Variants in ARHGAP26 observed in about 807,000 individuals in gnomAD.
ARHGAP26 encodes the protein rho GTPase-activating protein 26.
In ARHGAP26, 38 loss-of-function variants were observed where a neutral mutation model predicts 104.8. The observed-to-expected ratio is 0.36, with a 90% CI of 0.28 to 0.48. The LOEUF is 0.48. ARHGAP26 is among the 20% of genes least tolerant of loss of function. The pLI is 0.99. For synonymous variants in ARHGAP26, 341 were observed against 340.0 expected (o/e 1.00, Z -0.03); for missense variants, 704 against 947.9 (o/e 0.74, Z 3.38).
intron 17 of ARHGAP26, among the ~76,000 whole-genome samples, chr5:143,078,728 T>C (rs1182603211): frequency 3.9e-5 from 6 of 152,226 alleles, no homozygotes; most frequent in African/African-American, 1.2e-4. Flanking sequence ...TTCAGACATA[T>C]TCATTGAAAG....
chr5:142,826,634 G>A (rs188426424), intron 1 of ARHGAP26, among the ~76,000 whole-genome samples: 80 of 152,270 alleles, frequency 5.3e-4, no homozygotes, highest in Non-Finnish European at 1.0e-3. Context: ...TCTCTCACAG[G>A]ATTTTAGTGG....
intron 11 of ARHGAP26, among the ~76,000 whole-genome samples, chr5:142,996,678 C>G (rs1776447784): frequency 6.6e-6 from 1 of 151,766 alleles, no homozygotes; most frequent in Admixed American, 6.6e-5. Context: ...AGGATAGGTG[C>G]TAGATTTGAG....
chr5:143,064,950 G>A (rs1364317147), intron 17 of ARHGAP26, among the ~76,000 whole-genome samples: 2 of 152,068 alleles, frequency 1.3e-5, no homozygotes, highest in Non-Finnish European at 2.9e-5. Flanking sequence ...CCTTTGATTT[G>A]GGTCTCTTGT....
chr5:142,867,288 GGTGTGTGTGTGT>G (rs70991782), intron 1 of ARHGAP26, among the ~76,000 whole-genome samples: 51 of 143,698 alleles, frequency 3.5e-4, no homozygotes, highest in Middle Eastern at 7.1e-3. Context: ...ATTTGCACAG[GGTGTGTGTGTGT>G]GTGTGTGTGT....
At chr5:143,178,628 C>T (rs1334521660) in intron 20 of ARHGAP26, among the ~76,000 whole-genome samples, 3 of 152,330 alleles carry the variant, frequency 2.0e-5, no homozygotes, top group East Asian at 3.9e-4. Context: ...TCATTTCTGT[C>T]GTTGTACTTA....
At chr5:143,144,775 C>T (rs1019326733) in intron 19 of ARHGAP26, among the ~76,000 whole-genome samples, 1 of 152,206 alleles carries the variant, frequency 6.6e-6, no homozygotes, top group Non-Finnish European at 1.5e-5. Flanking sequence ...TTTGCTATAA[C>T]CACTAAAACA....
chr5:142,968,123 C>T (rs910247040), intron 11 of ARHGAP26, among the ~76,000 whole-genome samples: 2 of 152,132 alleles, frequency 1.3e-5, no homozygotes, highest in Admixed American at 1.3e-4. Context: ...CATCATCATC[C>T]CTTTTATTAT....
At chr5:143,140,660 T>C (rs990870761) in intron 19 of ARHGAP26, among the ~76,000 whole-genome samples, 5 of 151,790 alleles carry the variant, frequency 3.3e-5, no homozygotes, top group African/African-American at 4.8e-5. Flanking sequence ...GAAATGCAGA[T>C]TCCCCCCGGC....
intron 11 of ARHGAP26, among the ~76,000 whole-genome samples, chr5:142,967,196 CAG>C (rs774601985): frequency 5.9e-5 from 9 of 152,080 alleles, no homozygotes; most frequent in Non-Finnish European, 1.3e-4. Flanking sequence ...GCAGGGAAAA[CAG>C]AACGATAAAA....
chr5:143,159,960 T>G (rs965107218), intron 20 of ARHGAP26, among the ~76,000 whole-genome samples: 3 of 152,136 alleles, frequency 2.0e-5, no homozygotes, highest in African/African-American at 7.2e-5. Context: ...CATTGATTGT[T>G]TAGCTTCAAA....
rs1008208462 is a variant in ARHGAP26, at chr5:143,177,502, C to T, written c.1989-29696C>T. Among the ~76,000 whole-genome samples, 5 of 152,166 alleles carry T rather than the reference C, an allele frequency of 3.3e-5. No homozygotes were observed. In the South Asian group the frequency reaches 1.0e-3, roughly 32 times the overall value. ...AGAGCTGGCACGTCAGTAGCAGACA[C>T]GTACATGTATTTGATATGCATGCTC... On this transcript the variant is annotated intron_variant, in intron 20 of 22. Coordinates refer to ENST00000645722, the MANE Select transcript of ARHGAP26 (RefSeq NM_001135608.3).
At chr5:142,947,119 A>AAAAAAT (rs869085308) in intron 11 of ARHGAP26, 1 of 142,032 alleles carries the variant, frequency 7.0e-6, no homozygotes, top group East Asian at 2.2e-4. Flanking sequence ...AAAAAAAAAA[A>AAAAAAT]GAGAGAGAGA....
intron 5 of ARHGAP26, among the ~76,000 whole-genome samples, chr5:142,890,639 G>A (rs1758527326): frequency 1.3e-5 from 2 of 152,112 alleles, no homozygotes; most frequent in African/African-American, 2.4e-5. Flanking sequence ...GGAGAGAAGT[G>A]TAGTAGCCCA....
chr5:143,029,707 C>T (rs1307942925), intron 12 of ARHGAP26, among the ~76,000 whole-genome samples: 2 of 152,160 alleles, frequency 1.3e-5, no homozygotes, highest in East Asian at 3.8e-4. Context: ...GGGTGCTCAA[C>T]CTCAATCCTC....
At chr5:142,795,612 T>G (rs529218090) in intron 1 of ARHGAP26, among the ~76,000 whole-genome samples, 1 of 152,342 alleles carries the variant, frequency 6.6e-6, no homozygotes, top group Non-Finnish European at 1.5e-5. Flanking sequence ...CTTGTTTTGC[T>G]TCCAGCCCCA....
chr5:142,992,377 G>A (rs575686975), intron 11 of ARHGAP26, among the ~76,000 whole-genome samples: 8 of 151,846 alleles, frequency 5.3e-5, no homozygotes, highest in African/African-American at 1.9e-4. Context: ...GATTCGAAAG[G>A]CTCCAAGATG....
chr5:143,179,344 A>G (rs1803965724), intron 20 of ARHGAP26, among the ~76,000 whole-genome samples: 1 of 152,224 alleles, frequency 6.6e-6, no homozygotes, highest in Non-Finnish European at 1.5e-5. Context: ...TACGAGCAAG[A>G]GAGGCAGCGA....
intron 19 of ARHGAP26, among the ~76,000 whole-genome samples, chr5:143,134,588 C>T (rs1379564823): frequency 1.3e-5 from 2 of 152,126 alleles, no homozygotes; most frequent in Non-Finnish European, 2.9e-5. Flanking sequence ...GGCATGGAGT[C>T]GACACCTAAA....
chr5:142,978,412 C>G (rs1331301532), intron 11 of ARHGAP26, among the ~76,000 whole-genome samples: 1 of 152,150 alleles, frequency 6.6e-6, no homozygotes, highest in Non-Finnish European at 1.5e-5. Context: ...AAATACATAG[C>G]CAGGGTTGGC....
Sources: gnomAD v4.1 joint callset for allele counts (sites outside exome capture counted in the v4.1 genomes callset) on GRCh38, gnomAD v4.1.1 for gene constraint, MANE v1.5 for transcripts, NCBI Gene and HGNC (gene_info 2026-07-23, HGNC 2026-07-21) for gene names.